FNTB: variants seen among roughly 807,000 people sequenced by gnomAD.
FNTB encodes the protein farnesyltransferase, CAAX box, subunit beta, also known as protein farnesyltransferase subunit beta.
A neutral mutation model predicts 59.4 loss-of-function variants in FNTB; 27 were observed. That is an observed-to-expected ratio of 0.45 (90% CI 0.34 to 0.63). The LOEUF is 0.63. Ranked by LOEUF, FNTB falls within the 20% of genes least tolerant of loss-of-function variation. The pLI, the probability that FNTB is intolerant of heterozygous loss-of-function variation, is 0.02. For missense variants in FNTB, 449 were observed against 559.6 expected (o/e 0.80, Z 1.99); for synonymous variants, 230 against 220.7 (o/e 1.04, Z -0.37).
At chr14:65,053,625 T>TAAAAAAAAAACAAAAAAA (rs201558638) in intron 10 of FNTB, among the ~76,000 whole-genome samples, 2 of 146,246 alleles carry the variant, frequency 1.4e-5, no homozygotes, top group African/African-American at 5.4e-5. Context: ...CTTCTTTTTT[T>TAAAAAAAAAACAAAAAAA]TAAAAAAAAC....
At chr14:64,995,550 A>G (rs1051071039) in intron 1 of FNTB, among the ~76,000 whole-genome samples, 1 of 152,062 alleles carries the variant, frequency 6.6e-6, no homozygotes, top group Non-Finnish European at 1.5e-5. Flanking sequence ...GCTCCATCAT[A>G]GTCTTAACGG....
rs911133339 is a variant in FNTB at position 65,011,466 on chromosome 14, C to G, written c.210-851C>G. ...AAAAAAAAAAAAGACTGCATGAAGG[C>G]TCTTACTCTGAGCCAAGTACAGTGG... On this transcript the variant is annotated intron_variant, in intron 2 of 11. Transcript: ENST00000246166. This position sits in a 1 kb window ranked among gnomAD's most constrained non-coding sequence, Gnocchi z 4.0. 6.7e-6 allele frequency among the ~76,000 whole-genome samples: 1 copy of G among 149,642 alleles called. No homozygotes were observed. Among genetic ancestry groups the G allele is most frequent in the Non-Finnish European group, 1.5e-5 (1 of 67,736 alleles).
intron 7 of FNTB, among the ~76,000 whole-genome samples, chr14:65,036,390 C>A (rs1430048415): frequency 1.3e-5 from 2 of 151,528 alleles, no homozygotes; most frequent in Non-Finnish European, 2.9e-5. Context: ...GTGTATGCCA[C>A]CACACCTGGC....
In FNTB at chr14:65,025,692, G is replaced by A. The variant is rs569738857; in HGVS notation, c.375-1761G>A. Among the ~76,000 whole-genome samples the A allele has an allele frequency of 2.0e-5, 3 of 152,270 alleles. No homozygotes were observed. The South Asian group carries it at 6.2e-4, about 32-fold the overall frequency. ...TAGCCAGGCGTGGTGGCTCATGCCT[G>A]TAATTCTAGCTACTTGGGAGGCTGA... On this transcript the variant is annotated intron_variant, in intron 4 of 11. Transcript: ENST00000246166.
Position 65,015,846 on chromosome 14 carries a change from C to T in FNTB, c.374+130C>T. 1.3e-5 allele frequency: 13 copies of T among 1,035,214 alleles called. No homozygotes were observed. In the South Asian group the frequency reaches 1.7e-4, roughly 14 times the overall value. 64.1% of individuals were successfully genotyped at this position (1,035,214 alleles called of 1,614,324 possible). ...GCCACAAAGAAATCTTTGCTCTTCT[C>T]ATGACCTCCGGCAACTTCCTGAAAC... is the stretch of plus-strand genomic sequence containing the variant. On this transcript the variant is annotated intron_variant, in intron 4 of 11. Transcript: ENST00000246166.
At chr14:64,998,571 T>G (rs1169331131) in intron 1 of FNTB, among the ~76,000 whole-genome samples, 1 of 152,204 alleles carries the variant, frequency 6.6e-6, no homozygotes, top group Non-Finnish European at 1.5e-5. Context: ...CAGAGTCATT[T>G]GGGATAGTTT....
intron 11 of FNTB, among the ~76,000 whole-genome samples, chr14:65,058,107 C>T (rs1595106093): frequency 7.0e-6 from 1 of 143,846 alleles, no homozygotes; most frequent in African/African-American, 3.0e-5. Context: ...AGGAGAGAAC[C>T]AACTTTTTTT....
At position 65,047,978 on chromosome 14, in the gene FNTB, ATTTTTTT is replaced by A. The variant is rs34879850; in HGVS notation, c.955+3556_955+3562del. On this transcript the variant is annotated intron_variant, in intron 9 of 11. Coordinates refer to ENST00000246166, the MANE Select transcript of FNTB (RefSeq NM_002028.4). This position sits in a 1 kb window ranked among gnomAD's most constrained non-coding sequence, Gnocchi z 5.2. ...AGACAGAAGGAGGGAGACTTTTTAG[ATTTTTTT>A]TTTTTTTTTTTTTTTTTTTTGAGAC... 1.1e-4 allele frequency among the ~76,000 whole-genome samples: 7 copies of A among 64,146 alleles called. No homozygotes were observed. In the South Asian group the frequency reaches 1.9e-3, roughly 17 times the overall value. 42.1% of individuals were successfully genotyped at this position (64,146 alleles called of 152,430 possible).
At chr14:65,020,868 A>C (rs2061873865) in intron 4 of FNTB, among the ~76,000 whole-genome samples, 1 of 150,846 alleles carries the variant, frequency 6.6e-6, no homozygotes, top group Non-Finnish European at 1.5e-5. Flanking sequence ...AGTAGCTAGG[A>C]TTACAGGGGT....
rs529281085 is a variant in FNTB at position 65,030,925 on chromosome 14, G to C, written c.606-1685G>C. On this transcript the variant is annotated intron_variant, in intron 6 of 11. Transcript: ENST00000246166. The surrounding 1 kb of genome is among the most constrained non-coding windows in gnomAD (Gnocchi z 4.5). ...GGGGTTCAAACGATTCTCCTGCCTC[G>C]GTCTCCCAAGTAGCTGGGATTACAG... Among the ~76,000 whole-genome samples the C allele has an allele frequency of 6.6e-5, 10 of 151,748 alleles. No individual in the cohort carries two copies. The highest frequency in any genetic ancestry group is 2.4e-4 in the African/African-American group (10 of 41,396).
rs563468928 is a variant in FNTB at position 65,031,979 on chromosome 14, CGTGTGTGTGTGTGTGTGT to C, written c.606-608_606-591del. Among the ~76,000 whole-genome samples the C allele has an allele frequency of 1.4e-5, 2 of 141,198 alleles. No individual in the cohort carries two copies. Among genetic ancestry groups the C allele is most frequent in the Non-Finnish European group, 1.5e-5 (1 of 64,712 alleles). The allele number at this position is 141,198 out of a possible 152,430, so 92.6% of individuals were successfully genotyped here. ...ATAGACGTGCGCCTTTTTCATTTAA[CGTGTGTGTGTGTGTGTGT>C]GTGTGTGTGTGTGTGTGTGTGTACT... On this transcript the variant is annotated intron_variant, in intron 6 of 11. Coordinates refer to ENST00000246166, the MANE Select transcript of FNTB (RefSeq NM_002028.4). This position sits in a 1 kb window ranked among gnomAD's most constrained non-coding sequence, Gnocchi z 4.6.
At chr14:65,061,102 C>A in intron 11 of FNTB, 79 bp from the exon 12 acceptor site, 1 of 1,565,464 alleles carries the variant, frequency 6.4e-7, no homozygotes, top group Non-Finnish European at 8.7e-7. Flanking sequence ...CTTAGAAGTG[C>A]CTTTCATGGA....
chr14:65,017,361 G>GA (rs1417588605), intron 4 of FNTB, among the ~76,000 whole-genome samples: 1 of 152,092 alleles, frequency 6.6e-6, no homozygotes, highest in African/African-American at 2.4e-5. Flanking sequence ...AGAGAAGAAA[G>GA]AAAAAATGGG....
chr14:65,058,764 G>A (rs2062799036), intron 11 of FNTB, among the ~76,000 whole-genome samples: 1 of 152,126 alleles, frequency 6.6e-6, no homozygotes, highest in Non-Finnish European at 1.5e-5. Flanking sequence ...CTGATGTTAA[G>A]CCTTATATTC....
intron 8 of FNTB, among the ~76,000 whole-genome samples, chr14:65,041,289 T>C (rs1359023762): frequency 6.6e-6 from 1 of 152,234 alleles, no homozygotes; most frequent in Non-Finnish European, 1.5e-5. Flanking sequence ...ACCAAACTTT[T>C]ATTACCTGCT....
chr14:65,048,056 C>T (rs1293733266), intron 9 of FNTB, among the ~76,000 whole-genome samples: 10 of 136,486 alleles, frequency 7.3e-5, no homozygotes, highest in African/African-American at 1.7e-4. Context: ...GGTGCAATCT[C>T]GGCTCACTGT....
intron 4 of FNTB, among the ~76,000 whole-genome samples, chr14:65,025,554 C>T (rs1007286743): frequency 6.6e-6 from 1 of 152,168 alleles, no homozygotes; most frequent in Non-Finnish European, 1.5e-5. Flanking sequence ...ATGGCTCACA[C>T]CTGTGACCTC....
rs2062113870 is a variant in FNTB, at chr14:65,032,913, A to AG, written c.692+217_692+218insG. On this transcript the variant is annotated intron_variant, in intron 7 of 11. Transcript: ENST00000246166. This position sits in a 1 kb window ranked among gnomAD's most constrained non-coding sequence, Gnocchi z 5.0. ...TTATATTTTAGATTGGCAAAGATAA[A>AG]AAACTTTGGTAAACAATATTAGTGA... Among the ~76,000 whole-genome samples the AG allele has an allele frequency of 6.6e-6, 1 of 152,114 alleles. No homozygotes were observed. Among genetic ancestry groups the AG allele is most frequent in the Non-Finnish European group, 1.5e-5 (1 of 68,010 alleles).
In FNTB at chr14:65,031,775, G is replaced by T. The variant is rs1397836121; in HGVS notation, c.606-835G>T. On this transcript the variant is annotated intron_variant, in intron 6 of 11. Transcript: ENST00000246166. The surrounding 1 kb of genome is among the most constrained non-coding windows in gnomAD (Gnocchi z 4.6). ...ATCTCCACTAAAAATAGAAAAATAAGCCAGGCATGGTGGCATGCGCCTGTA... is the reference window on the plus strand; with the variant it reads ...ATCTCCACTAAAAATAGAAAAATAATCCAGGCATGGTGGCATGCGCCTGTA... 2.6e-5 allele frequency among the ~76,000 whole-genome samples: 4 copies of T among 152,072 alleles called. No homozygotes were observed. The highest frequency in any genetic ancestry group is 6.5e-5 in the Admixed American group (1 of 15,278).
Sources: gnomAD v4.1 joint callset for allele counts (sites outside exome capture counted in the v4.1 genomes callset) on GRCh38, gnomAD v4.1.1 for gene constraint, Gnocchi (gnomAD v3.1) non-coding constraint, MANE v1.5 for transcripts, NCBI Gene and HGNC (gene_info 2026-07-23, HGNC 2026-07-21) for gene names.